The following CMC1 variants were observed in gnomAD, a reference collection of about 807,000 sequenced individuals.
CMC1 encodes the protein C-X9-C motif containing 1.
A neutral mutation model predicts 14.1 loss-of-function variants in CMC1; 14 were observed. The ratio of observed to expected loss-of-function variants is 0.99; its 90% confidence interval spans 0.66 to 1.55. The LOEUF is 1.55. Ranked by LOEUF, CMC1 falls within the 40% of genes most tolerant of loss-of-function variation. The pLI, the probability that CMC1 is intolerant of heterozygous loss-of-function variation, is 0.00. For missense variants in CMC1, 127 were observed against 123.8 expected (o/e 1.03, Z -0.12); for synonymous variants, 50 against 38.4 (o/e 1.30, Z -1.12).
intron 2 of CMC1, chr3:28,293,030 C>G (rs527322606): frequency 6.6e-6 from 1 of 152,256 alleles, no homozygotes; most frequent in East Asian, 1.9e-4. Flanking sequence ...TTTTGAATCT[C>G]CAATCAGTTC....
In CMC1 at chr3:28,313,896, G is replaced by A. The variant is rs2125607483; in HGVS notation, c.110-2437G>A. On this transcript the variant is annotated intron_variant, in intron 2 of 3. Coordinates refer to ENST00000466830, the MANE Select transcript of CMC1 (RefSeq NM_182523.2). ...ACAGCCGTTGTGTCTGTGTTTTCCG[G>A]AAAAGGACTGAGGTTTGGTCAACTA... Among the ~76,000 whole-genome samples, 2 of 152,332 alleles carry A rather than the reference G, an allele frequency of 1.3e-5. 1 individual carries two copies. The highest frequency in any genetic ancestry group is 4.1e-4 in the South Asian group (2 of 4,830).
chr3:28,250,535 C>A (rs188408770), intron 1 of CMC1, among the ~76,000 whole-genome samples: 24 of 152,264 alleles, frequency 1.6e-4, no homozygotes, highest in African/African-American at 5.5e-4. Flanking sequence ...TAAACCAGTT[C>A]CATCCACCAC....
In CMC1 at chr3:28,324,434, T is replaced by C. The variant is rs767970338; in HGVS notation, c.*4805T>C. On this transcript the variant is annotated 3_prime_UTR_variant, in exon 4 of 4. Transcript: ENST00000466830. ...GTGCTGTCTCTTCCAAGGTCTTCAC[T>C]GCATCCTACAGGGGCACAGGCTAAA... 2.0e-6 allele frequency: 3 copies of C among 1,509,488 alleles called. No individual in the cohort carries two copies. Among genetic ancestry groups the C allele is most frequent in the Non-Finnish European group, 2.7e-6 (3 of 1,127,208 alleles). The allele number at this position is 1,509,488 out of a possible 1,614,324, so 93.5% of individuals were successfully genotyped here. A position where few individuals can be genotyped will look rare whatever the true frequency, so the allele number is the denominator to read the frequency against.
intron 2 of CMC1, among the ~76,000 whole-genome samples, chr3:28,312,040 T>C (rs953870911): frequency 1.3e-5 from 2 of 152,234 alleles, no homozygotes; most frequent in South Asian, 4.1e-4. Context: ...GGGTGATTTT[T>C]AAGTCTGCCC....
chr3:28,274,220 C>CTTCTTT (rs1700456273), intron 2 of CMC1, among the ~76,000 whole-genome samples: 1 of 112,326 alleles, frequency 8.9e-6, no homozygotes, highest in African/African-American at 3.3e-5. Flanking sequence ...TTGTTTTTTT[C>CTTCTTT]TTTTTTTTTT....
chr3:28,312,864 A>AT (rs1173449498), intron 2 of CMC1, among the ~76,000 whole-genome samples: 7 of 150,126 alleles, frequency 4.7e-5, no homozygotes, highest in Admixed American at 1.3e-4. Context: ...TTTTTTTTAA[A>AT]TTTTTTTTTT....
intron 2 of CMC1, 46 bp downstream of exon 2, chr3:28,263,426 T>C: frequency 7.9e-7 from 1 of 1,261,080 alleles, no homozygotes; most frequent in Non-Finnish European, 1.1e-6. Context: ...TTTTTAATAA[T>C]ATGATCTGAA....
Position 28,319,762 on chromosome 3 carries a change from T to C in CMC1, c.*133T>C. On this transcript the variant is annotated 3_prime_UTR_variant, in exon 4 of 4. Transcript: ENST00000466830. ...ATATTAACTTTATCTGAAATAAATA[T>C]TTTATTTCAAAGTTTTGGTTTCTTA... is the stretch of plus-strand genomic sequence containing the variant. 1.3e-6 allele frequency: 1 copy of C among 777,566 alleles called. No individual in the cohort carries two copies. The allele number at this position is 777,566 out of a possible 1,614,324, so 48.2% of individuals were successfully genotyped here. A position where few individuals can be genotyped will look rare whatever the true frequency, so the allele number is the denominator to read the frequency against.
intron 2 of CMC1, among the ~76,000 whole-genome samples, chr3:28,281,041 CTT>C (rs1700865170): frequency 6.6e-6 from 1 of 152,192 alleles, no homozygotes; most frequent in Non-Finnish European, 1.5e-5. Flanking sequence ...AATGTTTACT[CTT>C]TGGCTCTTTA....
chr3:28,284,079 A>G (rs573792218), intron 2 of CMC1, among the ~76,000 whole-genome samples: 6 of 152,310 alleles, frequency 3.9e-5, no homozygotes, highest in South Asian at 2.1e-4. Flanking sequence ...TTTGTGATGC[A>G]TTAGTGTGAA....
intron 1 of CMC1, among the ~76,000 whole-genome samples, chr3:28,260,798 C>T (rs552645893): frequency 1.4e-4 from 21 of 152,160 alleles, no homozygotes; most frequent in Non-Finnish European, 2.8e-4. Flanking sequence ...TTTTTATTTT[C>T]ATTCATATCA....
intron 2 of CMC1, among the ~76,000 whole-genome samples, chr3:28,264,226 A>G (rs572146701): frequency 1.8e-4 from 28 of 152,308 alleles, no homozygotes; most frequent in Admixed American, 6.5e-4. Flanking sequence ...AGGGACCACA[A>G]TAATTTTTAG....
chr3:28,253,648 A>G, intron 1 of CMC1: 11 of 705,388 alleles, frequency 1.6e-5, no homozygotes, highest in Non-Finnish European at 2.3e-5. Flanking sequence ...CAAACAAAGA[A>G]GAGGGATCCA....
chr3:28,250,291 A>G (rs952482252), intron 1 of CMC1, among the ~76,000 whole-genome samples: 7 of 152,206 alleles, frequency 4.6e-5, no homozygotes, highest in Non-Finnish European at 7.3e-5. Context: ...GGAAGGAGAA[A>G]TCACTTTTTA....
At chr3:28,267,100 G>A (rs1700041072) in intron 2 of CMC1, among the ~76,000 whole-genome samples, 1 of 152,060 alleles carries the variant, frequency 6.6e-6, no homozygotes, top group Non-Finnish European at 1.5e-5. Context: ...GACAAACTCT[G>A]GATTTCAACT....
Position 28,319,583 on chromosome 3 carries a change from G to T in CMC1, c.275G>T (p.Gly92Val), listed in dbSNP as rs867160455. The T allele has an allele frequency of 2.5e-6, 4 of 1,609,344 alleles. No individual in the cohort carries two copies. The highest frequency in any genetic ancestry group is 3.4e-6 in the Non-Finnish European group (4 of 1,177,178). Residue 92 changes from glycine (G) to valine (V), a missense_variant, in exon 4 of 4, where the codon GGA (glycine) becomes GTA (valine). Coordinates refer to ENST00000466830, the MANE Select transcript of CMC1 (RefSeq NM_182523.2). ...LKEREEFRKT[G>V]IPTKKRLQKL... ...GAAAGGGAAGAATTCAGAAAAACTG[G>T]AATTCCTACAAAGAAAAGGCTACAG... is the stretch of plus-strand genomic sequence containing the variant.
At chr3:28,271,684 T>G (rs534733134) in intron 2 of CMC1, among the ~76,000 whole-genome samples, 1 of 152,334 alleles carries the variant, frequency 6.6e-6, no homozygotes, top group South Asian at 2.1e-4. Flanking sequence ...ATATGGGCTC[T>G]TTTTTCTGGT....
intron 1 of CMC1, among the ~76,000 whole-genome samples, chr3:28,255,641 T>A (rs564739593): frequency 1.3e-5 from 2 of 151,554 alleles, no homozygotes; most frequent in South Asian, 4.2e-4. Context: ...ATGGGCTAAA[T>A]CTGGAAAGGC....
At position 28,319,689 on chromosome 3, in the gene CMC1, T is replaced by TATTTAAGGACTATA; in HGVS notation, c.*61_*62insTTTAAGGACTATAA. On this transcript the variant is annotated 3_prime_UTR_variant, in exon 4 of 4. Transcript: ENST00000466830. ...TTCATGGAAGTCATTTTATAGTCCT[T>TATTTAAGGACTATA]AAATAATGGACTCAAGCATATATGT... is the stretch of plus-strand genomic sequence containing the variant. 1.4e-6 allele frequency: 2 copies of TATTTAAGGACTATA among 1,380,700 alleles called. No individual in the cohort carries two copies. Among genetic ancestry groups the TATTTAAGGACTATA allele is most frequent in the Non-Finnish European group, 2.0e-6 (2 of 1,007,060 alleles). The allele number at this position is 1,380,700 out of a possible 1,614,324, so 85.5% of individuals were successfully genotyped here.
Sources: gnomAD v4.1 joint callset for allele counts (sites outside exome capture counted in the v4.1 genomes callset) on GRCh38, gnomAD v4.1.1 for gene constraint, MANE v1.5 for transcripts, NCBI Gene and HGNC (gene_info 2026-07-23, HGNC 2026-07-21) for gene names.